Variants in PTPRM observed in about 807,000 individuals in gnomAD.
PTPRM encodes the protein protein tyrosine phosphatase receptor type M.
In PTPRM, 47 loss-of-function variants were observed where a neutral mutation model predicts 186.7. The ratio of observed to expected loss-of-function variants is 0.25; its 90% CI spans 0.20 to 0.32. The LOEUF (loss-of-function observed/expected upper bound fraction) is 0.32. Among genes scored for constraint, PTPRM ranks in the 10% least tolerant of loss-of-function variants. The probability of loss-of-function intolerance (pLI) is 1.00; values close to 1 mark genes in which losing one functional copy is unlikely to be tolerated. For missense variants in PTPRM, 1,494 were observed against 1,865.0 expected, an observed-to-expected ratio of 0.80 and a Z score of 3.66; for synonymous variants, 668 against 674.9, an observed-to-expected ratio of 0.99 and a Z score of 0.16.
chr18:7,984,790 CACAT>C (rs1013904731), intron 7 of PTPRM, among the ~76,000 whole-genome samples: 4 of 132,406 alleles, frequency 3.0e-5, no homozygotes, highest in African/African-American at 8.7e-5. Flanking sequence ...ATTATATACA[CACAT>C]ATAAATATAT....
chr18:7,733,145 C>T (rs192488779), intron 1 of PTPRM, among the ~76,000 whole-genome samples: 5 of 152,188 alleles, frequency 3.3e-5, no homozygotes, highest in East Asian at 3.9e-4. Flanking sequence ...GGTGTACATG[C>T]GCCATGGTGG....
intron 4 of PTPRM, among the ~76,000 whole-genome samples, chr18:7,911,947 C>T (rs767233907): frequency 3.3e-5 from 5 of 150,060 alleles, no homozygotes; most frequent in Non-Finnish European, 7.4e-5. Context: ...CCGCCTCCCA[C>T]GTTTAAGTGA....
chr18:8,112,067 C>T (rs1369702480), intron 11 of PTPRM, among the ~76,000 whole-genome samples: 2 of 152,304 alleles, frequency 1.3e-5, no homozygotes, highest in East Asian at 1.9e-4. Flanking sequence ...GAGCATTTTA[C>T]GTGACTCAAT....
intron 17 of PTPRM, chr18:8,251,617 G>A (rs186201343): frequency 6.6e-6 from 1 of 152,232 alleles, no homozygotes; most frequent in African/African-American, 2.4e-5. Flanking sequence ...CTTTAGCCAC[G>A]TTGTAGTGAT....
chr18:8,207,287 G>A (rs2093944918), intron 14 of PTPRM, among the ~76,000 whole-genome samples: 1 of 152,104 alleles, frequency 6.6e-6, no homozygotes, highest in South Asian at 2.1e-4. Flanking sequence ...AGTTTTGTGG[G>A]GAAGCAATTT....
At chr18:8,274,961 T>G (rs2094816480) in intron 19 of PTPRM, among the ~76,000 whole-genome samples, 1 of 152,202 alleles carries the variant, frequency 6.6e-6, no homozygotes, top group Non-Finnish European at 1.5e-5. Flanking sequence ...TGATTATCCT[T>G]CAGCCTGCAG....
intron 14 of PTPRM, among the ~76,000 whole-genome samples, chr18:8,221,597 G>A (rs1190393376): frequency 6.6e-6 from 1 of 152,160 alleles, no homozygotes; most frequent in Non-Finnish European, 1.5e-5. Flanking sequence ...AGGTACAACA[G>A]CTCCATTGGT....
chr18:7,667,940 A>T (rs899882430), intron 1 of PTPRM, among the ~76,000 whole-genome samples: 3 of 150,224 alleles, frequency 2.0e-5, no homozygotes, highest in East Asian at 2.0e-4. Flanking sequence ...TATACTGATC[A>T]TTTTTTTTTT....
At chr18:8,023,383 A>G (rs1431363645) in intron 7 of PTPRM, among the ~76,000 whole-genome samples, 2 of 152,184 alleles carry the variant, frequency 1.3e-5, no homozygotes, top group East Asian at 3.8e-4. Context: ...ATGTACCAAT[A>G]TGGAGGAGAG....
At chr18:7,737,785 T>C (rs775174003) in intron 1 of PTPRM, among the ~76,000 whole-genome samples, 1 of 152,148 alleles carries the variant, frequency 6.6e-6, no homozygotes, top group East Asian at 1.9e-4. Flanking sequence ...ATTCTCAGCA[T>C]AGGGGCAATG....
intron 2 of PTPRM, among the ~76,000 whole-genome samples, chr18:7,818,489 G>A (rs1202194656): frequency 6.6e-6 from 1 of 152,126 alleles, no homozygotes; most frequent in Admixed American, 6.5e-5. Flanking sequence ...TCCTCCTACT[G>A]GACTCTGAGG....
At chr18:8,128,240 A>G (rs899013929) in intron 13 of PTPRM, among the ~76,000 whole-genome samples, 2 of 152,222 alleles carry the variant, frequency 1.3e-5, no homozygotes, top group Non-Finnish European at 2.9e-5. Flanking sequence ...CCAACTAACT[A>G]GGTATCTTAC....
intron 7 of PTPRM, among the ~76,000 whole-genome samples, chr18:8,046,301 GT>G (rs1218667108): frequency 6.6e-6 from 1 of 152,258 alleles, no homozygotes; most frequent in East Asian, 1.9e-4. Flanking sequence ...GACTAATACA[GT>G]AAAAAAGTCT....
intron 2 of PTPRM, among the ~76,000 whole-genome samples, chr18:7,790,111 A>C (rs1305020354): frequency 6.6e-6 from 1 of 152,154 alleles, no homozygotes; most frequent in Non-Finnish European, 1.5e-5. Flanking sequence ...CTTCTAGTTA[A>C]GATGCAGTGT....
At chr18:7,735,738 G>A (rs2040755465) in intron 1 of PTPRM, among the ~76,000 whole-genome samples, 1 of 152,072 alleles carries the variant, frequency 6.6e-6, no homozygotes, top group South Asian at 2.1e-4. Flanking sequence ...TCTTAAAAGA[G>A]GCATTTACCA....
chr18:8,259,797 G>A (rs1050143634), intron 19 of PTPRM, among the ~76,000 whole-genome samples: 3 of 151,640 alleles, frequency 2.0e-5, no homozygotes, highest in Admixed American at 1.3e-4. Context: ...ACAGGCACAC[G>A]CCACCACTCC....
chr18:8,083,558 A>G (rs1273959169), intron 9 of PTPRM, among the ~76,000 whole-genome samples: 2 of 152,060 alleles, frequency 1.3e-5, no homozygotes, highest in East Asian at 3.9e-4. Flanking sequence ...TTAGCACCCT[A>G]TTCGTTTCTT....
At chr18:7,653,085 A>G (rs1274866258) in intron 1 of PTPRM, among the ~76,000 whole-genome samples, 3 of 151,376 alleles carry the variant, frequency 2.0e-5, no homozygotes, top group African/African-American at 7.3e-5. Context: ...TCATTAGGGA[A>G]TTGGAAATTA....
rs188951034 is a variant in PTPRM, at chr18:7,993,674, C to A, written c.1132+38260C>A. Reference sequence around the variant, plus strand: ...AGATATAAAGTGTTTCCTAGACAAACAAAAACTGATGGGATTTGTCACCAC... The same window carrying A: ...AGATATAAAGTGTTTCCTAGACAAAAAAAAACTGATGGGATTTGTCACCAC... On this transcript the variant is annotated intron_variant, in intron 7 of 32. Coordinates refer to ENST00000580170, the MANE Select transcript of PTPRM (RefSeq NM_001105244.2). 2.2e-3 allele frequency among the ~76,000 whole-genome samples: 329 copies of A among 152,072 alleles called. 4 individuals are homozygous for A. Among genetic ancestry groups the A allele is most frequent in the African/African-American group, 7.6e-3 (314 of 41,504 alleles).
Sources: gnomAD v4.1 joint callset for allele counts (sites outside exome capture counted in the v4.1 genomes callset) on GRCh38, gnomAD v4.1.1 for gene constraint, MANE v1.5 for transcripts, NCBI Gene and HGNC (gene_info 2026-07-23, HGNC 2026-07-21) for gene names.